SPOCK1: variants seen among roughly 807,000 people sequenced by gnomAD.
The protein encoded by SPOCK1 is SPARC (osteonectin), cwcv and kazal like domains proteoglycan 1, also known as testican-1.
Under a neutral mutation model 55.3 loss-of-function variants are expected in SPOCK1, and 23 were observed. The ratio of observed to expected loss-of-function variants is 0.42; its 90% CI spans 0.30 to 0.59. The LOEUF (loss-of-function observed/expected upper bound fraction) is 0.59, where lower values mean the gene tolerates loss of function less well. Among genes scored for constraint, SPOCK1 ranks in the 20% least tolerant of loss-of-function variants. The pLI, the probability that SPOCK1 is intolerant of heterozygous loss-of-function variation, is 0.22. For synonymous variants in SPOCK1, 226 were observed against 221.0 expected, an observed-to-expected ratio of 1.02 and a Z score of -0.20; for missense variants, 499 against 552.5, an observed-to-expected ratio of 0.90 and a Z score of 0.97.
At chr5:137,146,858 G>A (rs11745163) in intron 3 of SPOCK1, among the ~76,000 whole-genome samples, 87,262 of 152,078 alleles carry the variant, frequency 0.57, 25,907 homozygotes, top group Middle Eastern at 0.69. Flanking sequence ...TGCCTGGATA[G>A]GGCAGAGAGC....
intron 3 of SPOCK1, among the ~76,000 whole-genome samples, chr5:137,173,231 A>G (rs1197986626): frequency 2.0e-5 from 3 of 152,146 alleles, no homozygotes; most frequent in Admixed American, 2.0e-4. Flanking sequence ...GAGTGACTCA[A>G]AGAAAATCTC....
Position 137,493,608 on chromosome 5 carries a change from T to A in SPOCK1, c.186+4765A>T, listed in dbSNP as rs573401437. Among the ~76,000 whole-genome samples the A allele has an allele frequency of 4.6e-5, 7 of 152,370 alleles. No homozygotes were observed. The South Asian group carries it at 1.4e-3, about 32-fold the overall frequency. On this transcript the variant is annotated intron_variant, in intron 2 of 10. Transcript: ENST00000394945. Reference sequence around the variant, plus strand: ...AACTGTCCCTTTATAATGATCCCTGTGAAATAATTATTTCTATCAATGGTC... The same window carrying A: ...AACTGTCCCTTTATAATGATCCCTGAGAAATAATTATTTCTATCAATGGTC...
chr5:137,292,416 C>G, intron 2 of SPOCK1, among the ~76,000 whole-genome samples: 1 of 112,674 alleles, frequency 8.9e-6, no homozygotes, highest in Non-Finnish European at 1.7e-5. Flanking sequence ...TGTCCATTCA[C>G]TGGTGTAGTT....
At chr5:137,205,322 C>T (rs1326058263) in intron 3 of SPOCK1, among the ~76,000 whole-genome samples, 7 of 152,188 alleles carry the variant, frequency 4.6e-5, no homozygotes, top group African/African-American at 1.4e-4. Flanking sequence ...GCCTATTGCA[C>T]GTCAGTGAAA....
At chr5:137,326,168 C>A (rs1475241133) in intron 2 of SPOCK1, among the ~76,000 whole-genome samples, 1 of 152,108 alleles carries the variant, frequency 6.6e-6, no homozygotes, top group African/African-American at 2.4e-5. Flanking sequence ...AAAGGCAGCT[C>A]CCATTCAGTA....
At chr5:137,493,957 A>G (rs1754244860) in intron 2 of SPOCK1, among the ~76,000 whole-genome samples, 2 of 151,882 alleles carry the variant, frequency 1.3e-5, no homozygotes. Context: ...ACCAAATCCC[A>G]CAGAGCATGT....
At position 137,008,333 on chromosome 5, in the gene SPOCK1, C is replaced by A. The variant is rs969741284; in HGVS notation, c.590-15733G>T. On this transcript the variant is annotated intron_variant, in intron 6 of 10. Coordinates refer to ENST00000394945, the MANE Select transcript of SPOCK1 (RefSeq NM_004598.4). Reference sequence around the variant, plus strand: ...ACACACACACACACACACACACAATCAACACAGTAGCAGAAAAGATACCCA... The same window carrying A: ...ACACACACACACACACACACACAATAAACACAGTAGCAGAAAAGATACCCA... Among the ~76,000 whole-genome samples the A allele has an allele frequency of 2.7e-5, 4 of 149,654 alleles. No homozygotes were observed. In the South Asian group the frequency reaches 8.5e-4, roughly 32 times the overall value.
chr5:137,373,551 A>G (rs1040970729), intron 2 of SPOCK1, among the ~76,000 whole-genome samples: 21 of 152,200 alleles, frequency 1.4e-4, no homozygotes, highest in Admixed American at 8.5e-4. Context: ...TCCATCGCCA[A>G]GTCCTCTGCC....
intron 2 of SPOCK1, among the ~76,000 whole-genome samples, chr5:137,301,636 CTTTTTT>C (rs34828127): frequency 1.3e-4 from 17 of 129,786 alleles, no homozygotes; most frequent in African/African-American, 4.7e-4. Context: ...ATTTCGTCTC[CTTTTTT>C]TTTTTTTTTT....
intron 6 of SPOCK1, among the ~76,000 whole-genome samples, chr5:136,999,148 C>T (rs774096493): frequency 4.6e-5 from 7 of 152,194 alleles, no homozygotes; most frequent in South Asian, 2.1e-4. Flanking sequence ...GCATGAGGAA[C>T]GCAGCTGATG....
chr5:137,386,957 A>C (rs947687934), intron 2 of SPOCK1, among the ~76,000 whole-genome samples: 2 of 152,342 alleles, frequency 1.3e-5, no homozygotes, highest in Non-Finnish European at 2.9e-5. Flanking sequence ...TTAAAACTCA[A>C]CAATAAGAAA....
At chr5:137,119,104 C>T (rs1388415022) in intron 4 of SPOCK1, among the ~76,000 whole-genome samples, 1 of 152,184 alleles carries the variant, frequency 6.6e-6, no homozygotes, top group African/African-American at 2.4e-5. Context: ...TCTCTTATCA[C>T]ATCTCTAAGA....
intron 2 of SPOCK1, among the ~76,000 whole-genome samples, chr5:137,469,914 T>C (rs947282762): frequency 6.6e-6 from 1 of 152,188 alleles, no homozygotes; most frequent in Non-Finnish European, 1.5e-5. Context: ...TGCTATGAGG[T>C]GGGCTTTGAG....
chr5:137,214,437 G>A (rs1755675702), intron 3 of SPOCK1, among the ~76,000 whole-genome samples: 1 of 152,198 alleles, frequency 6.6e-6, no homozygotes, highest in Admixed American at 6.5e-5. Context: ...CCCCCTTACA[G>A]AAGCATGTGG....
intron 5 of SPOCK1, among the ~76,000 whole-genome samples, chr5:137,091,423 A>G (rs1753053485): frequency 6.6e-6 from 1 of 152,190 alleles, no homozygotes; most frequent in African/African-American, 2.4e-5. Context: ...TCATGATATC[A>G]ATGCCAGGCA....
intron 3 of SPOCK1, among the ~76,000 whole-genome samples, chr5:137,202,860 G>A (rs1005142094): frequency 8.5e-5 from 13 of 152,132 alleles, no homozygotes; most frequent in African/African-American, 1.9e-4. Context: ...TTTTAAACTC[G>A]CTGGACAAGT....
intron 2 of SPOCK1, among the ~76,000 whole-genome samples, chr5:137,423,079 A>C (rs528472670): frequency 6.6e-6 from 1 of 152,350 alleles, no homozygotes; most frequent in African/African-American, 2.4e-5. Context: ...GGGTATCAGC[A>C]GCAGAGGCTG....
chr5:137,225,134 C>T (rs1410456764), intron 3 of SPOCK1, among the ~76,000 whole-genome samples: 2 of 151,978 alleles, frequency 1.3e-5, no homozygotes, highest in Admixed American at 6.6e-5. Flanking sequence ...CCCAGGTGAT[C>T]CTGAAATCGG....
At chr5:136,979,231 CT>C in intron 10 of SPOCK1, 100 bp downstream of exon 10, 1 of 1,511,226 alleles carries the variant, frequency 6.6e-7, no homozygotes, top group East Asian at 2.3e-5. Context: ...TTAATGTATA[CT>C]GGAGTTACCT....
Sources: gnomAD v4.1 joint callset for allele counts (sites outside exome capture counted in the v4.1 genomes callset) on GRCh38, gnomAD v4.1.1 for gene constraint, MANE v1.5 for transcripts, NCBI Gene and HGNC (gene_info 2026-07-23, HGNC 2026-07-21) for gene names.